Variants in NELL1 observed in about 807,000 individuals in gnomAD.
The protein encoded by NELL1 is protein kinase C-binding protein NELL1.
Under a neutral mutation model 107.4 loss-of-function variants are expected in NELL1, and 76 were observed. The observed-to-expected ratio is 0.71, with a 90% confidence interval of 0.59 to 0.86. The LOEUF (loss-of-function observed/expected upper bound fraction) is 0.86, where lower values mean the gene tolerates loss of function less well. Ranked by LOEUF, NELL1 falls within the 40% of genes least tolerant of loss-of-function variation. The probability of loss-of-function intolerance (pLI) is 0.00; values close to 1 mark genes in which losing one functional copy is unlikely to be tolerated. For synonymous variants in NELL1, 353 were observed against 341.2 expected (o/e 1.03, Z -0.38); for missense variants, 1,024 against 1,005.5 (o/e 1.02, Z -0.25).
chr11:20,931,705 A>G (rs1850622386), intron 9 of NELL1, among the ~76,000 whole-genome samples: 1 of 152,184 alleles, frequency 6.6e-6, no homozygotes, highest in African/African-American at 2.4e-5. Flanking sequence ...ATCCATTCAC[A>G]TTTAATGTTG....
intron 2 of NELL1, among the ~76,000 whole-genome samples, chr11:20,736,927 G>T (rs1855775265): frequency 6.6e-6 from 1 of 151,780 alleles, no homozygotes; most frequent in Non-Finnish European, 1.5e-5. Flanking sequence ...GCTAATTTTT[G>T]TGTTTTTTAT....
intron 14 of NELL1, among the ~76,000 whole-genome samples, chr11:21,286,657 C>G (rs563890322): frequency 1.3e-5 from 2 of 152,330 alleles, no homozygotes; most frequent in African/African-American, 4.8e-5. Context: ...TAAAATTTCT[C>G]TATCTGTTAA....
chr11:21,300,569 G>A (rs947299623), intron 14 of NELL1, among the ~76,000 whole-genome samples: 1 of 151,826 alleles, frequency 6.6e-6, no homozygotes, highest in Non-Finnish European at 1.5e-5. Flanking sequence ...TACTCAGGAG[G>A]CTATAGTGGG....
intron 13 of NELL1, chr11:21,169,847 G>T: frequency 7.0e-7 from 1 of 1,419,918 alleles, no homozygotes; most frequent in Non-Finnish European, 9.9e-7. Flanking sequence ...TTGCACCCCA[G>T]AGTCCCCCCA....
At chr11:21,149,872 A>T (rs1443949013) in intron 13 of NELL1, among the ~76,000 whole-genome samples, 2 of 152,150 alleles carry the variant, frequency 1.3e-5, no homozygotes, top group Non-Finnish European at 2.9e-5. Flanking sequence ...TAATAATTTA[A>T]AAAGTACCAG....
At chr11:20,988,963 C>T (rs982027675) in intron 12 of NELL1, among the ~76,000 whole-genome samples, 2 of 152,100 alleles carry the variant, frequency 1.3e-5, no homozygotes, top group African/African-American at 4.8e-5. Context: ...CTCTTGACTC[C>T]TCCACTAGCT....
intron 2 of NELL1, among the ~76,000 whole-genome samples, chr11:20,679,768 CT>C (rs1028078475): frequency 1.3e-4 from 20 of 152,150 alleles, no homozygotes; most frequent in Non-Finnish European, 2.9e-4. Context: ...GGCAGGAGTC[CT>C]GCTGACCTAG....
rs529973771 is a variant in NELL1 at position 21,356,809 on chromosome 11, C to A, written c.1550-14044C>A. Among the ~76,000 whole-genome samples the A allele has an allele frequency of 3.9e-4, 60 of 152,258 alleles. 1 individual carries two copies. In the South Asian group the frequency reaches 0.011, roughly 28 times the overall value. On this transcript the variant is annotated intron_variant, in intron 14 of 19. Transcript: ENST00000357134. ...AGTCTTTTATCCCTTGAACCGCTCC[C>A]TCCTTCATCCTGCATCCCCAAAGTC...
Position 21,179,193 on chromosome 11 carries a change from A to C in NELL1, c.1427-50139A>C, listed in dbSNP as rs374031915. ...CTTCTCCATGGAAAAGTTGGGCTGG[A>C]GCTAGATTCTGAAAACATAAAATAT... On this transcript the variant is annotated intron_variant, in intron 13 of 19. Coordinates refer to ENST00000357134, the MANE Select transcript of NELL1 (RefSeq NM_006157.5). Among the ~76,000 whole-genome samples the C allele has an allele frequency of 1.4e-4, 21 of 152,000 alleles. No individual in the cohort carries two copies. The East Asian group carries it at 3.5e-3, about 25-fold the overall frequency.
chr11:20,827,167 A>G (rs768502439), intron 3 of NELL1, among the ~76,000 whole-genome samples: 1 of 151,226 alleles, frequency 6.6e-6, no homozygotes, highest in African/African-American at 2.4e-5. Context: ...AGACACGAAC[A>G]TTAATGTCTA....
chr11:21,552,488 G>T (rs1209512093), intron 16 of NELL1, among the ~76,000 whole-genome samples: 1 of 148,576 alleles, frequency 6.7e-6, no homozygotes, highest in African/African-American at 2.5e-5. Context: ...CTCCCTTAGG[G>T]TAAGAAACAC....
chr11:20,999,627 A>C (rs1590521244), intron 12 of NELL1, among the ~76,000 whole-genome samples: 1 of 151,008 alleles, frequency 6.6e-6, no homozygotes, highest in South Asian at 2.1e-4. Flanking sequence ...CATCCATTGA[A>C]TTCACCCTCA....
intron 3 of NELL1, among the ~76,000 whole-genome samples, chr11:20,829,791 A>T (rs1914984): frequency 4.7e-5 from 7 of 150,188 alleles, no homozygotes; most frequent in East Asian, 2.0e-4. Context: ...AGTTATTATT[A>T]TTTTTTTTTG....
At chr11:20,906,463 T>C (rs959065823) in intron 5 of NELL1, among the ~76,000 whole-genome samples, 1 of 152,014 alleles carries the variant, frequency 6.6e-6, no homozygotes, top group African/African-American at 2.4e-5. Flanking sequence ...TTCCAAAAAA[T>C]TGAAGTGGAG....
At chr11:20,829,597 A>AT (rs1186442601) in intron 3 of NELL1, among the ~76,000 whole-genome samples, 2 of 151,312 alleles carry the variant, frequency 1.3e-5, no homozygotes, top group Admixed American at 1.3e-4. Context: ...TGAATATAGG[A>AT]TTTTTTCTGT....
intron 12 of NELL1, among the ~76,000 whole-genome samples, chr11:20,981,535 C>G (rs993076825): frequency 2.6e-5 from 4 of 152,168 alleles, no homozygotes; most frequent in Non-Finnish European, 1.5e-5. Flanking sequence ...ACAGTGCCCA[C>G]TATGCACTCC....
At chr11:20,847,966 G>A (rs1264669915) in intron 4 of NELL1, among the ~76,000 whole-genome samples, 3 of 152,156 alleles carry the variant, frequency 2.0e-5, no homozygotes, top group Non-Finnish European at 2.9e-5. Context: ...ACTGTATCCC[G>A]TGATTAGGAG....
chr11:21,217,368 TGGGAAGCTGAGTGAAAGGTACATTGG>T (rs1857641024), intron 13 of NELL1, among the ~76,000 whole-genome samples: 1 of 151,966 alleles, frequency 6.6e-6, no homozygotes, highest in Non-Finnish European at 1.5e-5. Context: ...AGGTACATTG[TGGGAAGCTGAGTGAAAGGTACATTGG>T]GGGAAGCTGG....
chr11:21,073,703 T>C (rs557357278), intron 12 of NELL1, among the ~76,000 whole-genome samples: 52 of 152,298 alleles, frequency 3.4e-4, no homozygotes, highest in Admixed American at 2.9e-3. Flanking sequence ...AAGTAGCATT[T>C]GCAATGAGAT....
Sources: gnomAD v4.1 joint callset for allele counts (sites outside exome capture counted in the v4.1 genomes callset) on GRCh38, gnomAD v4.1.1 for gene constraint, MANE v1.5 for transcripts, NCBI Gene and HGNC (gene_info 2026-07-23, HGNC 2026-07-21) for gene names.